Variants in COL6A5 observed in about 807,000 individuals in gnomAD.
COL6A5 encodes collagen alpha-5(VI) chain.
Under a neutral mutation model 65.6 loss-of-function variants are expected in COL6A5, and 48 were observed. That is an observed-to-expected ratio of 0.73 (90% CI 0.58 to 0.93). COL6A5 has a LOEUF of 0.93. Ranked by LOEUF, COL6A5 falls within the 40% of genes least tolerant of loss-of-function variation. The pLI is 0.00. For synonymous variants in COL6A5, 291 were observed against 322.8 expected (o/e 0.90, Z 1.05); for missense variants, 914 against 928.3 (o/e 0.98, Z 0.20).
At chr3:130,465,523 T>C (rs904634068) in intron 5 of COL6A5, among the ~76,000 whole-genome samples, 1 of 152,004 alleles carries the variant, frequency 6.6e-6, no homozygotes, top group South Asian at 2.1e-4. Context: ...TAGGAAATAA[T>C]TAGCCCTGAA....
rs150536011 is a variant in COL6A5 at position 130,476,614 on chromosome 3, C to T, written c.2328+5647C>T. ...GTTTTGTTTTGTTTTTTGAAGCTCT[C>T]AGGTGATTTCAATGTGCATTCAAGT... is the stretch of plus-strand genomic sequence containing the variant. On this transcript the variant is annotated intron_variant, in intron 7 of 7. Transcript: ENST00000512836. Among the ~76,000 whole-genome samples the T allele has an allele frequency of 7.6e-4, 116 of 152,136 alleles. 1 individual carries two copies. Among genetic ancestry groups the T allele is most frequent in the African/African-American group, 2.7e-3 (113 of 41,526 alleles).
rs1201959123 is a variant in COL6A5 at position 130,385,477 on chromosome 3, C to A, written c.1861+113C>A. 3 of 1,132,502 alleles carry A rather than the reference C, an allele frequency of 2.6e-6. No homozygotes were observed. In the East Asian group the frequency reaches 7.8e-5, roughly 29 times the overall value. 70.2% of individuals were successfully genotyped at this position (1,132,502 alleles called of 1,614,324 possible). On this transcript the variant is annotated intron_variant and NMD_transcript_variant, in intron 5 of 41. Transcript: ENST00000312481. ...GACCAGTTGTCCGGATAACATTTTG[C>A]TAGCTTCCTTTATTACCATGGAGGG...
chr3:130,345,854 TA>T (rs1402454637), exon 1 of COL6A5: 2 of 398,406 alleles, frequency 5.0e-6, no homozygotes, highest in African/African-American at 2.1e-5. Context: ...GCGCGCGCTC[TA>T]TCCAACTGCG....
chr3:130,470,015 C>T (rs887610033), intron 6 of COL6A5, among the ~76,000 whole-genome samples: 20 of 152,090 alleles, frequency 1.3e-4, no homozygotes, highest in Non-Finnish European at 2.8e-4. Flanking sequence ...CTGACACTGC[C>T]CTCCACCTAC....
chr3:130,416,920 CT>C (rs1559891001), intron 24 of COL6A5, 101 bp downstream of exon 24: 1 of 724,900 alleles, frequency 1.4e-6, no homozygotes, highest in Non-Finnish European at 2.2e-6. Context: ...GTGATATTTT[CT>C]TTTTTTAAAT....
At chr3:130,393,983 C>G (rs1479012610) in intron 7 of COL6A5, among the ~76,000 whole-genome samples, 4 of 148,382 alleles carry the variant, frequency 2.7e-5, no homozygotes, top group Non-Finnish European at 5.9e-5. Context: ...GGCAGCCCAT[C>G]TTTGTGTCTG....
chr3:130,459,587 T>C (rs546500029), intron 5 of COL6A5, among the ~76,000 whole-genome samples: 1 of 152,174 alleles, frequency 6.6e-6, no homozygotes, highest in Admixed American at 6.5e-5. Flanking sequence ...CAATGAATTA[T>C]CAAGTCACTT....
Position 130,405,584 on chromosome 3 carries a change from T to C in COL6A5, c.4282-4T>C. The C allele has an allele frequency of 1.3e-6, 2 of 1,550,150 alleles. No homozygotes were observed. Among genetic ancestry groups the C allele is most frequent in the Admixed American group, 2.0e-5 (1 of 50,964 alleles). On this transcript the variant is annotated splice_polypyrimidine_tract_variant and splice_region_variant and intron_variant and NMD_transcript_variant, in intron 13 of 41. Transcript: ENST00000312481. ...TGGGTACCTGTCTGTGCTCCTTTTC[T>C]TAGGGAGTACGAGGAGACACAGGAC...
chr3:130,354,579 G>A (rs1577419604), intron 1 of COL6A5, among the ~76,000 whole-genome samples: 1 of 151,794 alleles, frequency 6.6e-6, no homozygotes, highest in African/African-American at 2.4e-5. Flanking sequence ...AAGATGCCCA[G>A]TTAATTCATA....
chr3:130,450,853 T>TTGGGC (rs1433973734), intron 4 of COL6A5, among the ~76,000 whole-genome samples: 1 of 152,098 alleles, frequency 6.6e-6, no homozygotes, highest in Non-Finnish European at 1.5e-5. Context: ...CAAAGTTTAA[T>TTGGGC]TGGGCATAAG....
At chr3:130,444,455 A>C (rs1460855421) in intron 4 of COL6A5, among the ~76,000 whole-genome samples, 1 of 152,150 alleles carries the variant, frequency 6.6e-6, no homozygotes, top group Non-Finnish European at 1.5e-5. Flanking sequence ...TAAAAGTATT[A>C]ATTTGGGGGA....
At chr3:130,479,549 A>G (rs973993735) in intron 7 of COL6A5, among the ~76,000 whole-genome samples, 2 of 152,146 alleles carry the variant, frequency 1.3e-5, no homozygotes, top group Non-Finnish European at 2.9e-5. Flanking sequence ...AGGAACCCCC[A>G]ATACCATAAT....
At chr3:130,471,695 A>T in intron 7 of COL6A5, 7 of 1,534,722 alleles carry the variant, frequency 4.6e-6, no homozygotes, top group Non-Finnish European at 6.1e-6. Context: ...TCTTCCTGGG[A>T]TATATGAAAT....
exon 5 of COL6A5, chr3:130,385,275 G>A: frequency 6.4e-7 from 1 of 1,550,890 alleles, no homozygotes; most frequent in Non-Finnish European, 8.7e-7. Flanking sequence ...GAAATTGCTG[G>A]GAAAGAAGAA....
intron 1 of COL6A5, among the ~76,000 whole-genome samples, chr3:130,348,231 C>T (rs144586727): frequency 6.6e-6 from 1 of 151,918 alleles, no homozygotes; most frequent in Non-Finnish European, 1.5e-5. Flanking sequence ...GGTTTTAAGC[C>T]CCACATGCAT....
At chr3:130,389,666 C>T (rs548831161) in intron 6 of COL6A5, among the ~76,000 whole-genome samples, 5 of 151,946 alleles carry the variant, frequency 3.3e-5, no homozygotes, top group Non-Finnish European at 7.4e-5. Flanking sequence ...TTTGCCTGTT[C>T]GTGTATCCAT....
In COL6A5 at chr3:130,376,760, A is replaced by G. The variant is rs777628497; in HGVS notation, c.591A>G (p.Thr197=). 8 of 1,613,496 alleles carry G rather than the reference A, an allele frequency of 5.0e-6. No homozygotes were observed. In the South Asian group the frequency reaches 7.7e-5, roughly 16 times the overall value. ...TTCGGACAATCAGAGACCTCAGCAC[A>G]TTTTCCCAAAACATGACACAGATCA... is the stretch of plus-strand genomic sequence containing the variant. The change falls in exon 3 of 42, where the codon ACA becomes ACG. Residue 197 remains threonine, a synonymous_variant and NMD_transcript_variant. Coordinates refer to the COL6A5 transcript ENST00000312481.
chr3:130,460,803 G>C (rs958659734), intron 5 of COL6A5, among the ~76,000 whole-genome samples: 1 of 151,530 alleles, frequency 6.6e-6, no homozygotes, highest in Non-Finnish European at 1.5e-5. Flanking sequence ...TATGAAGGTG[G>C]GGTGGTGATG....
chr3:130,356,673 C>T (rs895262351), intron 1 of COL6A5, among the ~76,000 whole-genome samples: 2 of 151,858 alleles, frequency 1.3e-5, no homozygotes, highest in Non-Finnish European at 2.9e-5. Flanking sequence ...AAAAGAGCTA[C>T]ATTCACACTG....
Sources: gnomAD v4.1 joint callset for allele counts (sites outside exome capture counted in the v4.1 genomes callset) on GRCh38, gnomAD v4.1.1 for gene constraint, MANE v1.5 for transcripts, NCBI Gene and HGNC (gene_info 2026-07-23, HGNC 2026-07-21) for gene names.